ZBTB20: variants seen among roughly 807,000 people sequenced by gnomAD.
ZBTB20 encodes zinc finger and BTB domain-containing protein 20.
ZBTB20 carries 9 observed loss-of-function variants against 56.9 expected under a neutral mutation model. The ratio of observed to expected loss-of-function variants is 0.16; its 90% confidence interval spans 0.10 to 0.28. The LOEUF is 0.28. Ranked by LOEUF, ZBTB20 falls within the 10% of genes least tolerant of loss-of-function variation. The pLI, the probability that ZBTB20 is intolerant of heterozygous loss-of-function variation, is 1.00. For missense variants in ZBTB20, 655 were observed against 1,003.0 expected, an observed-to-expected ratio of 0.65 and a Z score of 4.69; for synonymous variants, 417 against 420.7, an observed-to-expected ratio of 0.99 and a Z score of 0.11.
intron 6 of ZBTB20, among the ~76,000 whole-genome samples, chr3:114,540,801 C>A (rs2049023330): frequency 6.6e-6 from 1 of 151,972 alleles, no homozygotes; most frequent in Non-Finnish European, 1.5e-5. Context: ...AGCAAATATC[C>A]CTAATGAAGA....
At chr3:114,562,396 C>T (rs2052186291) in intron 6 of ZBTB20, among the ~76,000 whole-genome samples, 1 of 152,112 alleles carries the variant, frequency 6.6e-6, no homozygotes, top group South Asian at 2.1e-4. Flanking sequence ...ATCTCTTGAC[C>T]TCATGATCCA....
intron 7 of ZBTB20, among the ~76,000 whole-genome samples, chr3:114,462,822 T>C (rs550575734): frequency 3.3e-5 from 5 of 152,218 alleles, no homozygotes; most frequent in Admixed American, 6.5e-5. Context: ...TCAACAGCTC[T>C]ATATATGTGG....
intron 2 of ZBTB20, among the ~76,000 whole-genome samples, chr3:115,016,326 C>T (rs2079956531): frequency 6.6e-6 from 1 of 151,892 alleles, no homozygotes; most frequent in Non-Finnish European, 1.5e-5. Context: ...TTAATTAGAT[C>T]CCATTTGTCA....
chr3:114,867,750 A>G (rs1211768480), intron 4 of ZBTB20, among the ~76,000 whole-genome samples: 4 of 152,116 alleles, frequency 2.6e-5, no homozygotes. Context: ...CAACTCTTAC[A>G]TACATACTTT....
intron 10 of ZBTB20, among the ~76,000 whole-genome samples, chr3:114,366,124 T>C (rs191363726): frequency 8.9e-4 from 136 of 152,306 alleles, no homozygotes; most frequent in African/African-American, 2.9e-3. Flanking sequence ...GTGGACAAGG[T>C]AAACAAGATT....
In ZBTB20 at chr3:114,653,933, C is replaced by T. The variant is rs183594789; in HGVS notation, c.-295+39595G>A. 2.2e-4 allele frequency among the ~76,000 whole-genome samples: 34 copies of T among 151,286 alleles called. No individual in the cohort carries two copies. In the South Asian group the frequency reaches 5.4e-3, roughly 24 times the overall value. ...GTTTTCATAATATTCCCTTGTTATC[C>T]TTTAATATTGTTATGATATGTAATG... On this transcript the variant is annotated intron_variant, in intron 6 of 11. Coordinates refer to ENST00000675478, the MANE Select transcript of ZBTB20 (RefSeq NM_001348800.3).
chr3:114,747,334 G>T (rs1191309450), intron 5 of ZBTB20, among the ~76,000 whole-genome samples: 1 of 152,190 alleles, frequency 6.6e-6, no homozygotes, highest in Non-Finnish European at 1.5e-5. Context: ...GAGAGGCTGA[G>T]GCAGGCAGAT....
At chr3:114,835,083 T>A (rs1001228767) in intron 4 of ZBTB20, among the ~76,000 whole-genome samples, 10 of 152,130 alleles carry the variant, frequency 6.6e-5, no homozygotes, top group Non-Finnish European at 1.5e-4. Context: ...CCAGCTACTG[T>A]TTACCCACTG....
Position 115,107,582 on chromosome 3 carries a change from T to C in ZBTB20, c.-702-36168A>G, listed in dbSNP as rs1376003211. Among the ~76,000 whole-genome samples the C allele has an allele frequency of 3.3e-5, 5 of 152,340 alleles. No homozygotes were observed. The East Asian group carries it at 7.7e-4, about 24-fold the overall frequency. On this transcript the variant is annotated intron_variant, in intron 1 of 11. Coordinates refer to ENST00000675478, the MANE Select transcript of ZBTB20 (RefSeq NM_001348800.3). ...TGTTCAACCATTGTGGAAGACAGTGTGGCGATTCCTCAAGGATCTAGAACC... is the reference window on the plus strand; with the variant it reads ...TGTTCAACCATTGTGGAAGACAGTGCGGCGATTCCTCAAGGATCTAGAACC...
chr3:114,469,296 C>T lies in ZBTB20; in HGVS notation c.-255+31056G>A, dbSNP rs552703092. On this transcript the variant is annotated intron_variant, in intron 7 of 11. Transcript: ENST00000675478. ...AGGAATGTAATGTGGAGAGACTGAACCTCAATGTGCAAATCTTGAAAGATG... is the reference window on the plus strand; with the variant it reads ...AGGAATGTAATGTGGAGAGACTGAATCTCAATGTGCAAATCTTGAAAGATG... 2.6e-5 allele frequency among the ~76,000 whole-genome samples: 4 copies of T among 152,060 alleles called. No individual in the cohort carries two copies. In the South Asian group the frequency reaches 8.3e-4, roughly 32 times the overall value.
In ZBTB20 at chr3:114,524,810, G is replaced by A. The variant is rs566932502; in HGVS notation, c.-294-24419C>T. Among the ~76,000 whole-genome samples, 19 of 152,180 alleles carry A rather than the reference G, an allele frequency of 1.2e-4. No individual in the cohort carries two copies. In the South Asian group the frequency reaches 3.9e-3, roughly 32 times the overall value. ...GCTCACTACAACTTCCGCCTCTCAG[G>A]TTCAAGCGATTCCCCTGCCGCGGTC... On this transcript the variant is annotated intron_variant, in intron 6 of 11. Transcript: ENST00000675478.
At chr3:114,900,510 T>TAC (rs1263120224) in intron 3 of ZBTB20, 168 bp from the exon 4 acceptor site, 2 of 139,260 alleles carry the variant, frequency 1.4e-5, no homozygotes, top group African/African-American at 6.1e-5. Context: ...TCTGAAAATA[T>TAC]ATACACACAC....
intron 6 of ZBTB20, among the ~76,000 whole-genome samples, chr3:114,643,108 T>G (rs1056902246): frequency 6.6e-6 from 1 of 152,112 alleles, no homozygotes; most frequent in Non-Finnish European, 1.5e-5. Flanking sequence ...AAAATAAATA[T>G]GCTAAACTCT....
chr3:114,589,380 CG>C (rs1322616557), intron 6 of ZBTB20, among the ~76,000 whole-genome samples: 2 of 152,062 alleles, frequency 1.3e-5, no homozygotes, highest in Non-Finnish European at 2.9e-5. Flanking sequence ...TCTGACAAGC[CG>C]GGGAGAAATA....
chr3:115,041,332 G>GT (rs987505168), intron 2 of ZBTB20, among the ~76,000 whole-genome samples: 61 of 152,206 alleles, frequency 4.0e-4, no homozygotes, highest in African/African-American at 1.4e-3. Flanking sequence ...TCATGTAAAT[G>GT]TTTTTCCCAG....
Position 115,033,230 on chromosome 3 carries a change from C to A in ZBTB20, c.-507+37989G>T, listed in dbSNP as rs72943820. On this transcript the variant is annotated intron_variant, in intron 2 of 11. Coordinates refer to ENST00000675478, the MANE Select transcript of ZBTB20 (RefSeq NM_001348800.3). Reference sequence around the variant, plus strand: ...AATGATTATAAAAGAGTACGATGAGCAATTGCTAGGCCAACGAATTGGATA... The same window carrying A: ...AATGATTATAAAAGAGTACGATGAGAAATTGCTAGGCCAACGAATTGGATA... 5.9e-3 allele frequency among the ~76,000 whole-genome samples: 896 copies of A among 151,424 alleles called. 12 individuals carry two copies. The highest frequency in any genetic ancestry group is 0.021 in the African/African-American group (866 of 41,474).
At chr3:114,622,715 T>C (rs1464080485) in intron 6 of ZBTB20, among the ~76,000 whole-genome samples, 1 of 152,248 alleles carries the variant, frequency 6.6e-6, no homozygotes, top group South Asian at 2.1e-4. Flanking sequence ...CTGTACCTAC[T>C]TGGACAAGAG....
chr3:114,590,374 T>C (rs7649750), intron 6 of ZBTB20, among the ~76,000 whole-genome samples: 106,929 of 151,852 alleles, frequency 0.7, 39,246 homozygotes, highest in East Asian at 0.96. Flanking sequence ...TCGCTTGAAC[T>C]TGGGAGGCGG....
intron 6 of ZBTB20, among the ~76,000 whole-genome samples, chr3:114,624,537 C>T (rs760471347): frequency 5.3e-5 from 8 of 152,062 alleles, no homozygotes; most frequent in African/African-American, 1.7e-4. Context: ...AGATTTCATC[C>T]CCTTGAATTC....
Sources: gnomAD v4.1 joint callset for allele counts (sites outside exome capture counted in the v4.1 genomes callset) on GRCh38, gnomAD v4.1.1 for gene constraint, MANE v1.5 for transcripts, NCBI Gene and HGNC (gene_info 2026-07-23, HGNC 2026-07-21) for gene names.